The following SHISAL2B variants were observed in gnomAD, a reference collection of about 807,000 sequenced individuals.
The protein encoded by SHISAL2B is protein shisa-like-2B.
A neutral mutation model predicts 16.5 loss-of-function variants in SHISAL2B; 12 were observed. The ratio of observed to expected loss-of-function variants is 0.73; its 90% CI spans 0.47 to 1.18. SHISAL2B has a LOEUF of 1.18. Among genes scored for constraint, SHISAL2B ranks in the 50% most tolerant of loss-of-function variants. The probability of loss-of-function intolerance (pLI) is 0.00; values close to 1 mark genes in which losing one functional copy is unlikely to be tolerated. For synonymous variants in SHISAL2B, 72 were observed against 75.0 expected (o/e 0.96, Z 0.21); for missense variants, 183 against 193.6 (o/e 0.95, Z 0.33).
intron 2 of SHISAL2B, among the ~76,000 whole-genome samples, chr5:64,702,020 A>C (rs1741814966): frequency 6.6e-6 from 1 of 152,194 alleles, no homozygotes; most frequent in Non-Finnish European, 1.5e-5. Context: ...CAACTGTAGA[A>C]GTTTCTTTTT....
chr5:64,697,218 A>AT (rs1741750660), intron 2 of SHISAL2B, among the ~76,000 whole-genome samples: 11 of 152,240 alleles, frequency 7.2e-5, no homozygotes, highest in African/African-American at 2.7e-4. Context: ...ATCTGAACCA[A>AT]ATATTTGCAT....
rs187973145 is a variant in SHISAL2B, at chr5:64,694,823, A to G, written c.192-684A>G. On this transcript the variant is annotated intron_variant, in intron 1 of 2. Transcript: ENST00000389074. ...CTTTTGCAGAAACAAATATTTTTCT[A>G]TTCATCATTTGTTGGTGAACCCAAT... Among the ~76,000 whole-genome samples the G allele has an allele frequency of 5.9e-5, 9 of 152,274 alleles. 1 individual carries two copies. The highest frequency in any genetic ancestry group is 1.9e-4 in the East Asian group (1 of 5,188).
At chr5:64,693,696 A>T (rs1421199010) in intron 1 of SHISAL2B, among the ~76,000 whole-genome samples, 1 of 152,190 alleles carries the variant, frequency 6.6e-6, no homozygotes, top group Non-Finnish European at 1.5e-5. Flanking sequence ...AAATGCACAA[A>T]AGTTAGGTTT....
At chr5:64,717,848 G>A (rs952013888) in intron 2 of SHISAL2B, 41 bp from the exon 3 acceptor site, 1 of 1,473,614 alleles carries the variant, frequency 6.8e-7, no homozygotes, top group Non-Finnish European at 8.9e-7. Flanking sequence ...GTGAAACGAT[G>A]TCATAATTTC....
At chr5:64,711,324 A>G (rs1410050659) in intron 2 of SHISAL2B, among the ~76,000 whole-genome samples, 1 of 148,826 alleles carries the variant, frequency 6.7e-6, no homozygotes, top group Non-Finnish European at 1.5e-5. Context: ...GGTTCTGTTT[A>G]TATGCTGGAT....
chr5:64,714,150 T>A (rs961601644), intron 2 of SHISAL2B, among the ~76,000 whole-genome samples: 8 of 149,600 alleles, frequency 5.3e-5, no homozygotes, highest in Admixed American at 4.6e-4. Context: ...TCTGTTCTGT[T>A]TTTTCCCCAT....
chr5:64,704,538 G>A lies in SHISAL2B; in HGVS notation c.349+8874G>A, dbSNP rs138964411. ...GGAAATAAGTAGCAGGCAGCAGGAA[G>A]AGCAGCTGACAATTAACCTAGGAAA... is the stretch of plus-strand genomic sequence containing the variant. On this transcript the variant is annotated intron_variant, in intron 2 of 2. Transcript: ENST00000389074. Among the ~76,000 whole-genome samples, 3 of 152,334 alleles carry A rather than the reference G, an allele frequency of 2.0e-5. No individual in the cohort carries two copies. In the East Asian group the frequency reaches 5.8e-4, roughly 29 times the overall value.
chr5:64,701,564 G>A (rs1001974655), intron 2 of SHISAL2B, among the ~76,000 whole-genome samples: 1 of 152,108 alleles, frequency 6.6e-6, no homozygotes, highest in African/African-American at 2.4e-5. Context: ...AAAGAGAAGG[G>A]TTCTTAGAAG....
chr5:64,697,705 G>T (rs1309895884), intron 2 of SHISAL2B, among the ~76,000 whole-genome samples: 1 of 152,176 alleles, frequency 6.6e-6, no homozygotes, highest in South Asian at 2.1e-4. Flanking sequence ...ATTTATGTAT[G>T]TATTTAGAAT....
intron 2 of SHISAL2B, among the ~76,000 whole-genome samples, chr5:64,707,540 T>C (rs1364629387): frequency 6.6e-6 from 1 of 152,194 alleles, no homozygotes; most frequent in African/African-American, 2.4e-5. Context: ...AAACAACCAG[T>C]TTCTCCAATT....
chr5:64,695,879 C>T (rs767255373), intron 2 of SHISAL2B, among the ~76,000 whole-genome samples: 2 of 152,216 alleles, frequency 1.3e-5, no homozygotes, highest in Non-Finnish European at 2.9e-5. Flanking sequence ...TAATTATTCT[C>T]ATGAAAATTA....
At chr5:64,695,031 G>A (rs1051915188) in intron 1 of SHISAL2B, among the ~76,000 whole-genome samples, 6 of 152,134 alleles carry the variant, frequency 3.9e-5, no homozygotes, top group Non-Finnish European at 5.9e-5. Context: ...TTGGGAGGCC[G>A]AGGCGGGTGG....
intron 2 of SHISAL2B, among the ~76,000 whole-genome samples, chr5:64,705,546 A>T (rs1247732465): frequency 6.6e-6 from 1 of 152,230 alleles, no homozygotes; most frequent in Non-Finnish European, 1.5e-5. Context: ...TATAAGATAC[A>T]AATGTCACCC....
chr5:64,705,809 G>A (rs183933099), intron 2 of SHISAL2B, among the ~76,000 whole-genome samples: 7 of 152,252 alleles, frequency 4.6e-5, no homozygotes, highest in Admixed American at 2.0e-4. Context: ...GCCCAAGGTG[G>A]GTGGGGATAC....
At chr5:64,692,554 T>G (rs1170132237) in intron 1 of SHISAL2B, among the ~76,000 whole-genome samples, 1 of 152,210 alleles carries the variant, frequency 6.6e-6, no homozygotes, top group Non-Finnish European at 1.5e-5. Flanking sequence ...CCCTATTCTT[T>G]GCTCTCCACT....
intron 2 of SHISAL2B, among the ~76,000 whole-genome samples, chr5:64,707,121 A>G (rs1222077044): frequency 6.6e-6 from 1 of 152,174 alleles, no homozygotes; most frequent in East Asian, 1.9e-4. Context: ...ATTTGTTTGC[A>G]AAAATAAGCT....
At chr5:64,712,111 G>A (rs1472277374) in intron 2 of SHISAL2B, among the ~76,000 whole-genome samples, 1 of 107,898 alleles carries the variant, frequency 9.3e-6, no homozygotes, top group African/African-American at 3.6e-5. Flanking sequence ...TGCTTTTCTA[G>A]TTCTTTTAAT....
At chr5:64,696,717 T>A (rs1055734607) in intron 2 of SHISAL2B, among the ~76,000 whole-genome samples, 5 of 152,162 alleles carry the variant, frequency 3.3e-5, no homozygotes, top group African/African-American at 1.2e-4. Context: ...CCTGGTGAAT[T>A]TGAGGTCAGA....
intron 2 of SHISAL2B, among the ~76,000 whole-genome samples, chr5:64,703,787 A>C (rs1028785573): frequency 6.6e-6 from 1 of 152,194 alleles, no homozygotes. Flanking sequence ...GACTACAGCA[A>C]AAGGGCAAGT....
Sources: allele counts gnomAD v4.1 joint callset (sites outside exome capture counted in the v4.1 genomes callset), GRCh38; gene constraint gnomAD v4.1.1; transcripts MANE v1.5; gene names NCBI Gene and HGNC (gene_info 2026-07-23, HGNC 2026-07-21).